The following ASCC1 variants were observed in gnomAD, a reference collection of about 807,000 sequenced individuals.
ASCC1 encodes the protein ASC-1 complex subunit P50.
Under a neutral mutation model 46.6 loss-of-function variants are expected in ASCC1, and 35 were observed. That is an observed-to-expected ratio of 0.75 (90% confidence interval 0.57 to 0.99). ASCC1 has a LOEUF of 0.99. Ranked by LOEUF, ASCC1 falls within the 50% of genes least tolerant of loss-of-function variation. The pLI, the probability that ASCC1 is intolerant of heterozygous loss-of-function variation, is 0.00. For synonymous variants in ASCC1, 143 were observed against 146.6 expected (o/e 0.98, Z 0.18); for missense variants, 376 against 428.7 (o/e 0.88, Z 1.09).
At chr10:72,140,241 G>T (rs559749784) in intron 7 of ASCC1, among the ~76,000 whole-genome samples, 2 of 152,192 alleles carry the variant, frequency 1.3e-5, no homozygotes, top group African/African-American at 4.8e-5. Flanking sequence ...AATAGCATTT[G>T]GACAAAAGAG....
chr10:72,190,437 G>C (rs1190600877), intron 5 of ASCC1: 2 of 1,597,954 alleles, frequency 1.3e-6, no homozygotes, highest in African/African-American at 1.3e-5. Context: ...CACAACCACA[G>C]GGAGATGCGT....
intron 1 of ASCC1, among the ~76,000 whole-genome samples, chr10:72,214,660 A>G (rs762041324): frequency 6.6e-6 from 1 of 152,096 alleles, no homozygotes; most frequent in Non-Finnish European, 1.5e-5. Context: ...TACAGGCGTG[A>G]GCCACTGCGC....
chr10:72,130,957 C>T (rs1845513511), intron 8 of ASCC1, among the ~76,000 whole-genome samples: 1 of 152,164 alleles, frequency 6.6e-6, no homozygotes, highest in Admixed American at 6.5e-5. Context: ...TTAAAATGTA[C>T]ATCATCTCAG....
chr10:72,196,726 T>C, intron 5 of ASCC1, 85 bp downstream of exon 5: 5 of 1,357,182 alleles, frequency 3.7e-6, no homozygotes, highest in Non-Finnish European at 5.1e-6. Context: ...AGTTTATAAC[T>C]CCCTACTGTT....
At chr10:72,120,592 CAAA>C (rs756385458) in intron 9 of ASCC1, among the ~76,000 whole-genome samples, 2 of 92,108 alleles carry the variant, frequency 2.2e-5, no homozygotes, top group Non-Finnish European at 2.3e-5. Flanking sequence ...GAATAAAGAC[CAAA>C]AAAAAAAAAA....
At chr10:72,121,001 A>T (rs576434132) in intron 9 of ASCC1, among the ~76,000 whole-genome samples, 61 of 152,244 alleles carry the variant, frequency 4.0e-4, no homozygotes, top group African/African-American at 1.4e-3. Context: ...CATATATAAT[A>T]AACATTAATC....
chr10:72,128,033 T>C lies in ASCC1; in HGVS notation c.957+49A>G, dbSNP rs764651872. ...GAGAACTACTTGTTTTCCTGCCTTA[T>C]TTAGGACATGTGCCAAAGGATTTCC... On this transcript the variant is annotated intron_variant, in intron 9 of 9. Transcript: ENST00000672957. 45 of 1,402,904 alleles carry C rather than the reference T, an allele frequency of 3.2e-5. No individual in the cohort carries two copies. In the South Asian group the frequency reaches 4.8e-4, roughly 15 times the overall value. 86.9% of individuals were successfully genotyped at this position (1,402,904 alleles called of 1,614,324 possible).
upstream of ASCC1, chr10:72,216,964 A>G (rs1859463951): frequency 2.2e-6 from 1 of 456,094 alleles, no homozygotes; most frequent in Non-Finnish European, 4.4e-6. Flanking sequence ...AAAATCCATA[A>G]TGATCCAATA....
intron 7 of ASCC1, among the ~76,000 whole-genome samples, chr10:72,147,580 T>C (rs1847795655): frequency 6.6e-6 from 1 of 152,114 alleles, no homozygotes; most frequent in Non-Finnish European, 1.5e-5. Context: ...AGTTAAATTT[T>C]CCACTCTAAG....
At chr10:72,107,305 C>A (rs962538760) in intron 9 of ASCC1, among the ~76,000 whole-genome samples, 21 of 138,642 alleles carry the variant, frequency 1.5e-4, no homozygotes, top group African/African-American at 4.8e-4. Context: ...ATAAGTTACC[C>A]CCCCCCCAAA....
chr10:72,127,170 G>A (rs1313958482), intron 9 of ASCC1, among the ~76,000 whole-genome samples: 1 of 152,196 alleles, frequency 6.6e-6, no homozygotes, highest in Non-Finnish European at 1.5e-5. Flanking sequence ...CTCCACCTCA[G>A]CAAAACACCC....
At chr10:72,205,476 C>G (rs1857072384) in intron 3 of ASCC1, among the ~76,000 whole-genome samples, 1 of 151,826 alleles carries the variant, frequency 6.6e-6, no homozygotes, top group Admixed American at 6.6e-5. Context: ...ACTAAAAATA[C>G]AAAAATTAGC....
At chr10:72,201,526 A>G (rs773160275) in intron 4 of ASCC1, among the ~76,000 whole-genome samples, 6 of 151,864 alleles carry the variant, frequency 4.0e-5, no homozygotes, top group Non-Finnish European at 5.9e-5. Context: ...CTCTACAAAA[A>G]GTATTAAAAA....
At chr10:72,101,133 T>A (rs1170738639) in intron 9 of ASCC1, among the ~76,000 whole-genome samples, 1 of 152,184 alleles carries the variant, frequency 6.6e-6, no homozygotes. Context: ...AAGAGGCACA[T>A]GAAAGTAGTT....
chr10:72,130,406 A>G (rs74145585), intron 8 of ASCC1, among the ~76,000 whole-genome samples: 19,767 of 152,148 alleles, frequency 0.13, 4,035 homozygotes, highest in African/African-American at 0.43. Flanking sequence ...TCAATAAAGC[A>G]ATTATATTTT....
At chr10:72,190,055 G>A in intron 5 of ASCC1, 1 of 758,084 alleles carries the variant, frequency 1.3e-6, no homozygotes, top group Non-Finnish European at 2.4e-6. Flanking sequence ...CCTCCACAGT[G>A]CTCCCCACCC....
intron 7 of ASCC1, among the ~76,000 whole-genome samples, chr10:72,135,953 G>A (rs1190357153): frequency 2.0e-5 from 3 of 152,204 alleles, no homozygotes; most frequent in Non-Finnish European, 4.4e-5. Context: ...GGCCACATGG[G>A]TCAGGCAGCA....
At chr10:72,187,544 C>A (rs2133118619) in intron 5 of ASCC1, among the ~76,000 whole-genome samples, 1 of 150,120 alleles carries the variant, frequency 6.7e-6, no homozygotes, top group East Asian at 2.0e-4. Flanking sequence ...CACGGTGAAA[C>A]CCTGTCTCTA....
intron 4 of ASCC1, among the ~76,000 whole-genome samples, chr10:72,199,806 A>G (rs1269189696): frequency 1.3e-5 from 2 of 152,038 alleles, no homozygotes; most frequent in African/African-American, 2.4e-5. Flanking sequence ...CGATTGGCTC[A>G]CTGTAGCCTC....
Sources: gnomAD v4.1 joint callset for allele counts (sites outside exome capture counted in the v4.1 genomes callset) on GRCh38, gnomAD v4.1.1 for gene constraint, MANE v1.5 for transcripts, NCBI Gene and HGNC (gene_info 2026-07-23, HGNC 2026-07-21) for gene names.